Variants in ENOSF1 observed in about 807,000 individuals in gnomAD.
The protein encoded by ENOSF1 is enolase superfamily member 1.
In ENOSF1, 73 loss-of-function variants were observed where a neutral mutation model predicts 68.2. That is an observed-to-expected ratio of 1.07 (90% CI 0.89 to 1.30). The LOEUF is 1.30. Among genes scored for constraint, ENOSF1 ranks in the 50% most tolerant of loss-of-function variants. The probability of loss-of-function intolerance (pLI) is 0.00; values close to 1 mark genes in which losing one functional copy is unlikely to be tolerated. For missense variants in ENOSF1, 589 were observed against 554.5 expected (o/e 1.06, Z -0.62); for synonymous variants, 223 against 210.4 (o/e 1.06, Z -0.52).
Position 702,977 on chromosome 18 carries a change from C to T in ENOSF1, c.193+3493G>A, listed in dbSNP as rs2078526614. Reference sequence around the variant, plus strand: ...ATGATTAGGTAAGTAAGCAGAAGAACCAGGATGAGCTAATGGAATTTTTCA... The same window carrying T: ...ATGATTAGGTAAGTAAGCAGAAGAATCAGGATGAGCTAATGGAATTTTTCA... On this transcript the variant is annotated intron_variant, in intron 2 of 15. Coordinates refer to ENST00000647584, the MANE Select transcript of ENOSF1 (RefSeq NM_017512.7). Among the ~76,000 whole-genome samples the T allele has an allele frequency of 3.9e-5, 6 of 152,024 alleles. No homozygotes were observed. The South Asian group carries it at 1.0e-3, about 26-fold the overall frequency.
chr18:684,422 G>A (rs758440517), intron 10 of ENOSF1, among the ~76,000 whole-genome samples: 47 of 151,986 alleles, frequency 3.1e-4, no homozygotes, highest in Non-Finnish European at 6.5e-4. Context: ...CAGCTACTCA[G>A]GGGGTTGAGG....
chr18:675,266 G>T, intron 15 of ENOSF1, 55 bp downstream of exon 15: 1 of 1,350,484 alleles, frequency 7.4e-7, no homozygotes, highest in Non-Finnish European at 1.0e-6. Context: ...CACGAGACAG[G>T]CGTGGCAGTG....
intron 5 of ENOSF1, 25 bp downstream of exon 5, chr18:693,857 T>C (rs776547112): frequency 1.7e-5 from 28 of 1,612,928 alleles, no homozygotes; most frequent in South Asian, 3.3e-5. Context: ...ACAGAAACAA[T>C]TGTAACATTA....
chr18:666,110 T>C, downstream of ENOSF1, among the ~76,000 whole-genome samples: 1 of 107,178 alleles, frequency 9.3e-6, no homozygotes. Context: ...ATGTTGACAG[T>C]GGGGTGTTAA....
intron 5 of ENOSF1, chr18:692,607 A>AG (rs1555660364): frequency 1.1e-5 from 8 of 746,370 alleles, no homozygotes; most frequent in African/African-American, 4.0e-5. Flanking sequence ...AAAAAAAAAA[A>AG]AAAGAAAGAA....
chr18:691,433 T>A, intron 5 of ENOSF1, 157 bp from the exon 6 acceptor site: 1 of 621,594 alleles, frequency 1.6e-6, no homozygotes, highest in Non-Finnish European at 2.8e-6. Flanking sequence ...GCAGCCTCAG[T>A]CTCCCTGGCT....
At chr18:674,469 C>T in intron 15 of ENOSF1, 63 bp from the exon 16 acceptor site, 2 of 1,007,226 alleles carry the variant, frequency 2.0e-6, no homozygotes, top group Non-Finnish European at 1.5e-6. Context: ...AGATTTTATG[C>T]ATTTATGCTG....
chr18:695,473 C>A (rs2077619401), intron 3 of ENOSF1, among the ~76,000 whole-genome samples: 1 of 152,114 alleles, frequency 6.6e-6, no homozygotes, highest in Admixed American at 6.6e-5. Flanking sequence ...ATGACTCTTG[C>A]CTCAATTAAT....
intron 2 of ENOSF1, among the ~76,000 whole-genome samples, chr18:705,626 C>T (rs1314274597): frequency 6.6e-6 from 1 of 152,118 alleles, no homozygotes; most frequent in Admixed American, 6.6e-5. Flanking sequence ...AAAGAATCTG[C>T]TCTTCCCCAA....
chr18:699,851 C>T (rs529586179), intron 2 of ENOSF1, among the ~76,000 whole-genome samples: 6 of 152,212 alleles, frequency 3.9e-5, no homozygotes, highest in South Asian at 4.1e-4. Flanking sequence ...AGGCCAAGGC[C>T]GGTGGATTGC....
chr18:675,618 T>G (rs1049750840), intron 14 of ENOSF1: 7 of 557,652 alleles, frequency 1.3e-5, no homozygotes, highest in Middle Eastern at 4.8e-4. Context: ...TTTGATGACA[T>G]GAACACACGA....
chr18:710,869 A>G (rs1453729043), intron 1 of ENOSF1, among the ~76,000 whole-genome samples: 1 of 152,238 alleles, frequency 6.6e-6, no homozygotes, highest in Non-Finnish European at 1.5e-5. Flanking sequence ...TGGATTCTAT[A>G]AGCCAGTAAA....
rs549264844 is a variant in ENOSF1, at chr18:682,552, G to A, written c.876+694C>T. Among the ~76,000 whole-genome samples, 7 of 152,048 alleles carry A rather than the reference G, an allele frequency of 4.6e-5. No homozygotes were observed. In the South Asian group the frequency reaches 8.3e-4, roughly 18 times the overall value. On this transcript the variant is annotated intron_variant, in intron 11 of 15. Coordinates refer to ENST00000647584, the MANE Select transcript of ENOSF1 (RefSeq NM_017512.7). ...ACATGACTGTGCCAAACCAGTTAGC[G>A]TGTAGGAGAAAAAAAATTATCAGAT...
rs373096647 is a variant in ENOSF1 at position 670,767 on chromosome 18, A to T, written c.*3538T>A. ...GTGGTGAACAGTGAGCTGTCCTGCC[A>T]GCTGTACCAGAGATCGGGAGACATG... On this transcript the variant is annotated 3_prime_UTR_variant, in exon 16 of 16. Coordinates refer to ENST00000647584, the MANE Select transcript of ENOSF1 (RefSeq NM_017512.7). 83 of 1,613,996 alleles carry T rather than the reference A, an allele frequency of 5.1e-5. No individual in the cohort carries two copies. The highest frequency in any genetic ancestry group is 6.9e-5 in the Non-Finnish European group (82 of 1,180,014).
chr18:694,118 A>G, intron 4 of ENOSF1, 130 bp downstream of exon 4: 1 of 1,130,624 alleles, frequency 8.8e-7, no homozygotes, highest in Non-Finnish European at 1.3e-6. Flanking sequence ...TCAGAGGAGA[A>G]AAAAACACCA....
chr18:706,839 GAC>G (rs2078999620), intron 1 of ENOSF1: 1 of 128,268 alleles, frequency 7.8e-6, no homozygotes, highest in African/African-American at 3.0e-5. Context: ...TCTTTTTTGA[GAC>G]AGAGTCTTGC....
At chr18:679,929 T>C (rs1176070191) in intron 11 of ENOSF1, among the ~76,000 whole-genome samples, 2 of 152,202 alleles carry the variant, frequency 1.3e-5, no homozygotes, top group Non-Finnish European at 2.9e-5. Flanking sequence ...TGCAAAACAC[T>C]GACTTAAATG....
At chr18:679,048 C>CT (rs371625982) in intron 11 of ENOSF1, among the ~76,000 whole-genome samples, 56 of 152,312 alleles carry the variant, frequency 3.7e-4, no homozygotes, top group African/African-American at 1.3e-3. Context: ...GCACCTCCCT[C>CT]TCCAGCCTGC....
chr18:665,156 T>C, the ENOSF1 span, among the ~76,000 whole-genome samples: 54,799 of 122,344 alleles, frequency 0.45, 10,510 homozygotes, highest in East Asian at 0.66. Context: ...CCTGGACTCT[T>C]TTTGGTTGGT....
Sources: gnomAD v4.1 joint callset for allele counts (sites outside exome capture counted in the v4.1 genomes callset) on GRCh38, gnomAD v4.1.1 for gene constraint, MANE v1.5 for transcripts, NCBI Gene and HGNC (gene_info 2026-07-23, HGNC 2026-07-21) for gene names.